TMEM182: variants seen among roughly 807,000 people sequenced by gnomAD.
The protein encoded by TMEM182 is transmembrane protein 182.
A neutral mutation model predicts 26.8 loss-of-function variants in TMEM182; 20 were observed. The ratio of observed to expected loss-of-function variants is 0.75; its 90% CI spans 0.53 to 1.09. The LOEUF (loss-of-function observed/expected upper bound fraction) is 1.09. Ranked by LOEUF, TMEM182 falls within the 50% of genes least tolerant of loss-of-function variation. TMEM182 has a pLI of 0.00. For missense variants in TMEM182, 277 were observed against 275.5 expected (o/e 1.01, Z -0.04); for synonymous variants, 109 against 102.2 (o/e 1.07, Z -0.40).
At chr2:102,753,780 A>G (rs1679952819) in intron 1 of TMEM182, among the ~76,000 whole-genome samples, 1 of 152,236 alleles carries the variant, frequency 6.6e-6, no homozygotes, top group African/African-American at 2.4e-5. Flanking sequence ...CAATTTAATT[A>G]AGCTCAGTAA....
chr2:102,782,027 C>T (rs1017612489), intron 3 of TMEM182, among the ~76,000 whole-genome samples: 2 of 152,068 alleles, frequency 1.3e-5, no homozygotes, highest in East Asian at 1.9e-4. Context: ...ATATATTGGC[C>T]GGGCGTGGTG....
At chr2:102,819,256 A>C (rs570236772), downstream of TMEM182, among the ~76,000 whole-genome samples, 8 of 152,354 alleles carry the variant, frequency 5.3e-5, no homozygotes, top group South Asian at 1.7e-3. Context: ...ACCTAAATGA[A>C]CAGATATTTA....
chr2:102,765,077 C>G lies in TMEM182; in HGVS notation c.331+650C>G, dbSNP rs1283272375. ...TAGTAGCTATTATATTTAATGTTCT[C>G]AATAAATTAATATTAGTCAGGGTTC... On this transcript the variant is annotated intron_variant, in intron 3 of 4. Transcript: ENST00000412401. 2.6e-5 allele frequency among the ~76,000 whole-genome samples: 4 copies of G among 151,868 alleles called. 1 individual carries two copies. Among genetic ancestry groups the G allele is most frequent in the African/African-American group, 9.7e-5 (4 of 41,306 alleles).
At chr2:102,829,092 G>T (rs1683099607) in intron 3 of TMEM182, among the ~76,000 whole-genome samples, 1 of 152,214 alleles carries the variant, frequency 6.6e-6, no homozygotes, top group Non-Finnish European at 1.5e-5. Context: ...ATCCTGATGA[G>T]CAAGTTATTT....
At chr2:102,744,764 C>T (rs1395136595) in intron 1 of TMEM182, among the ~76,000 whole-genome samples, 1 of 152,090 alleles carries the variant, frequency 6.6e-6, no homozygotes, top group Non-Finnish European at 1.5e-5. Context: ...GAGAAATCTG[C>T]TGTAATTGTT....
intron 1 of TMEM182, among the ~76,000 whole-genome samples, chr2:102,742,411 A>T (rs532153103): frequency 6.6e-6 from 1 of 152,208 alleles, no homozygotes; most frequent in East Asian, 1.9e-4. Flanking sequence ...AAGAGGTATA[A>T]GATACCATTT....
chr2:102,775,449 A>G (rs1371362050), intron 3 of TMEM182: 1 of 152,132 alleles, frequency 6.6e-6, no homozygotes, highest in Non-Finnish European at 1.5e-5. Context: ...ATGGGCAAAA[A>G]CTGGAAGCAT....
intron 3 of TMEM182, among the ~76,000 whole-genome samples, chr2:102,826,267 C>T (rs1335164779): frequency 6.7e-6 from 1 of 150,372 alleles, no homozygotes; most frequent in East Asian, 2.0e-4. Context: ...AATAACTGGG[C>T]AAAGCCCCAG....
chr2:102,809,218 A>G (rs2080292), intron 4 of TMEM182, among the ~76,000 whole-genome samples: 57,222 of 152,108 alleles, frequency 0.38, 11,516 homozygotes, highest in African/African-American at 0.52. Context: ...TTTTCTGCAA[A>G]AGCCTTTTGT....
At chr2:102,820,287 C>T (rs77500051), downstream of TMEM182, among the ~76,000 whole-genome samples, 599 of 152,270 alleles carry the variant, frequency 3.9e-3, 7 homozygotes, top group African/African-American at 0.014. Flanking sequence ...TCATCTGAGA[C>T]GTTCACTAGT....
chr2:102,825,517 T>C (rs1429067167), intron 3 of TMEM182, among the ~76,000 whole-genome samples: 16 of 152,230 alleles, frequency 1.1e-4, no homozygotes, highest in African/African-American at 3.9e-4. Flanking sequence ...ACAGACATGG[T>C]CAGTGTTTGA....
chr2:102,837,411 T>C (rs2104780343), intron 3 of TMEM182, among the ~76,000 whole-genome samples: 1 of 152,310 alleles, frequency 6.6e-6, no homozygotes, highest in Admixed American at 6.5e-5. Flanking sequence ...AAGAATGATT[T>C]GCTGTTGTTA....
chr2:102,813,611 C>G (rs1682632138), intron 4 of TMEM182, among the ~76,000 whole-genome samples: 1 of 152,200 alleles, frequency 6.6e-6, no homozygotes, highest in Non-Finnish European at 1.5e-5. Context: ...TTACTGGTGA[C>G]TCTGCCCAGC....
chr2:102,790,197 G>T (rs1001570940), intron 3 of TMEM182, among the ~76,000 whole-genome samples: 4 of 152,236 alleles, frequency 2.6e-5, no homozygotes, highest in African/African-American at 9.6e-5. Context: ...GCATATGTTT[G>T]CTAAATTAAG....
intron 3 of TMEM182, among the ~76,000 whole-genome samples, chr2:102,797,214 C>T (rs571171978): frequency 6.6e-6 from 1 of 152,276 alleles, no homozygotes; most frequent in Admixed American, 6.5e-5. Flanking sequence ...AGAGGTAAGC[C>T]TTAAATACAT....
intron 3 of TMEM182, among the ~76,000 whole-genome samples, chr2:102,836,622 G>T (rs1016374755): frequency 6.6e-6 from 1 of 152,164 alleles, no homozygotes; most frequent in Admixed American, 6.5e-5. Flanking sequence ...AAGATTCCAT[G>T]AACAAAAAGC....
At chr2:102,787,452 T>A (rs2104708061) in intron 3 of TMEM182, among the ~76,000 whole-genome samples, 1 of 152,348 alleles carries the variant, frequency 6.6e-6, no homozygotes, top group East Asian at 1.9e-4. Flanking sequence ...CTCATCTAAA[T>A]TTATTTACTT....
intron 3 of TMEM182, among the ~76,000 whole-genome samples, chr2:102,824,139 C>T (rs560410328): frequency 4.6e-5 from 7 of 152,096 alleles, no homozygotes; most frequent in East Asian, 3.8e-4. Flanking sequence ...TAAGAGGTGA[C>T]GTGGGAGAAG....
chr2:102,825,910 C>G (rs1683022329), intron 3 of TMEM182, among the ~76,000 whole-genome samples: 1 of 152,200 alleles, frequency 6.6e-6, no homozygotes, highest in Non-Finnish European at 1.5e-5. Flanking sequence ...TCTCCATGTT[C>G]TCTCCATGAT....
Sources: gnomAD v4.1 joint callset for allele counts (sites outside exome capture counted in the v4.1 genomes callset) on GRCh38, gnomAD v4.1.1 for gene constraint, MANE v1.5 for transcripts, NCBI Gene and HGNC (gene_info 2026-07-23, HGNC 2026-07-21) for gene names.